The following ADGRL2 variants were observed in gnomAD, a reference collection of about 807,000 sequenced individuals.
The protein encoded by ADGRL2 is calcium-independent alpha-latrotoxin receptor 2.
A neutral mutation model predicts 157.4 loss-of-function variants in ADGRL2; 44 were observed. The ratio of observed to expected loss-of-function variants is 0.28; its 90% confidence interval spans 0.22 to 0.36. ADGRL2 has a LOEUF of 0.36. Among genes scored for constraint, ADGRL2 ranks in the 10% least tolerant of loss-of-function variants. The pLI, the probability that ADGRL2 is intolerant of heterozygous loss-of-function variation, is 1.00. For synonymous variants in ADGRL2, 585 were observed against 624.7 expected, an observed-to-expected ratio of 0.94 and a Z score of 0.95; for missense variants, 1,510 against 1,768.9, an observed-to-expected ratio of 0.85 and a Z score of 2.63.
intron 2 of ADGRL2, among the ~76,000 whole-genome samples, chr1:81,548,278 T>C (rs567856153): frequency 6.6e-6 from 1 of 152,244 alleles, no homozygotes; most frequent in African/African-American, 2.4e-5. Context: ...ATTGATTTCA[T>C]GACCTACTAA....
intron 1 of ADGRL2, among the ~76,000 whole-genome samples, chr1:81,743,387 CAGA>C (rs2085135896): frequency 8.8e-6 from 1 of 113,230 alleles, no homozygotes; most frequent in Admixed American, 1.0e-4. Flanking sequence ...GTGCTAATAA[CAGA>C]AGGTTTTTTT....
chr1:81,735,972 G>A (rs560408325), intron 1 of ADGRL2, among the ~76,000 whole-genome samples: 3 of 149,154 alleles, frequency 2.0e-5, no homozygotes, highest in African/African-American at 4.9e-5. Flanking sequence ...GTGAAACCCC[G>A]TCTTACTAAA....
intron 2 of ADGRL2, among the ~76,000 whole-genome samples, chr1:81,558,259 G>A (rs2080359183): frequency 6.6e-6 from 1 of 152,238 alleles, no homozygotes; most frequent in Middle Eastern, 3.4e-3. Flanking sequence ...ATGGACATAG[G>A]TTTTTTATAA....
chr1:81,391,341 C>T (rs2076552181), intron 1 of ADGRL2, among the ~76,000 whole-genome samples: 2 of 152,304 alleles, frequency 1.3e-5, no homozygotes, highest in Non-Finnish European at 2.9e-5. Context: ...CATAGAAGAG[C>T]TGCTCTGCGA....
At chr1:81,755,359 G>A (rs751954697) in intron 1 of ADGRL2, among the ~76,000 whole-genome samples, 2 of 151,466 alleles carry the variant, frequency 1.3e-5, no homozygotes, top group African/African-American at 2.4e-5. Flanking sequence ...TGCTACTATT[G>A]CTAATTATCA....
chr1:81,635,015 G>T (rs1327411822), intron 3 of ADGRL2, among the ~76,000 whole-genome samples: 4 of 152,080 alleles, frequency 2.6e-5, no homozygotes, highest in African/African-American at 9.7e-5. Flanking sequence ...AAGTGCTGGG[G>T]CTTAACACCC....
chr1:81,657,534 C>G (rs1027436222), intron 3 of ADGRL2, among the ~76,000 whole-genome samples: 2 of 152,106 alleles, frequency 1.3e-5, no homozygotes, highest in Non-Finnish European at 2.9e-5. Flanking sequence ...TTAAAATATC[C>G]TAAGAGAAGT....
chr1:81,404,438 A>G (rs2076817834), intron 1 of ADGRL2, among the ~76,000 whole-genome samples: 1 of 152,216 alleles, frequency 6.6e-6, no homozygotes, highest in Non-Finnish European at 1.5e-5. Flanking sequence ...TAATAAATCT[A>G]TGAAGGTTTT....
At chr1:81,655,202 G>A (rs1202048099) in intron 3 of ADGRL2, among the ~76,000 whole-genome samples, 2 of 152,156 alleles carry the variant, frequency 1.3e-5, no homozygotes, top group South Asian at 2.1e-4. Context: ...GGTTTTCACT[G>A]TGTTAGCCAG....
chr1:81,964,830 A>G (rs1656573732), intron 11 of ADGRL2, among the ~76,000 whole-genome samples: 1 of 152,102 alleles, frequency 6.6e-6, no homozygotes, highest in Non-Finnish European at 1.5e-5. Context: ...TAAAATTTCA[A>G]TATCAGAAAT....
intron 2 of ADGRL2, among the ~76,000 whole-genome samples, chr1:81,522,733 A>G (rs1236254166): frequency 6.6e-6 from 1 of 152,238 alleles, no homozygotes; most frequent in Non-Finnish European, 1.5e-5. Flanking sequence ...TTCTAATACA[A>G]CAGATAAAAA....
intron 2 of ADGRL2, among the ~76,000 whole-genome samples, chr1:81,564,987 C>T (rs2080527127): frequency 6.6e-6 from 1 of 152,166 alleles, no homozygotes; most frequent in African/African-American, 2.4e-5. Flanking sequence ...AGTCATCTAG[C>T]ACAAAATTAA....
intron 3 of ADGRL2, among the ~76,000 whole-genome samples, chr1:81,672,351 T>C (rs553565769): frequency 6.6e-6 from 1 of 152,336 alleles, no homozygotes; most frequent in Non-Finnish European, 1.5e-5. Flanking sequence ...CTTGGATGGA[T>C]GCTGCTTCCT....
At chr1:81,891,281 G>A (rs1043670802) in intron 2 of ADGRL2, among the ~76,000 whole-genome samples, 2 of 151,530 alleles carry the variant, frequency 1.3e-5, no homozygotes, top group African/African-American at 4.8e-5. Flanking sequence ...TGTCAATATA[G>A]TTTTAAAATA....
At chr1:81,343,397 T>G (rs1315410563) in intron 1 of ADGRL2, among the ~76,000 whole-genome samples, 1 of 152,160 alleles carries the variant, frequency 6.6e-6, no homozygotes, top group East Asian at 1.9e-4. Context: ...GCCAACAATC[T>G]TTCTTTAACA....
intron 1 of ADGRL2, among the ~76,000 whole-genome samples, chr1:81,331,928 C>T (rs779091572): frequency 6.6e-6 from 1 of 151,934 alleles, no homozygotes; most frequent in Non-Finnish European, 1.5e-5. Context: ...TTAGAAAGCA[C>T]AAAAAAATTA....
At position 81,746,838 on chromosome 1, in the gene ADGRL2, A is replaced by ACG. The variant is rs1350882943; in HGVS notation, c.-142-14973_-142-14972insCG. 4.4e-4 allele frequency among the ~76,000 whole-genome samples: 58 copies of ACG among 133,290 alleles called. 5 individuals are homozygous for ACG. Among genetic ancestry groups the ACG allele is most frequent in the African/African-American group, 1.4e-3 (43 of 30,500 alleles). 87.4% of individuals were successfully genotyped at this position (133,290 alleles called of 152,430 possible). The stretch of plus-strand genomic sequence containing the variant: ...ATACTAATTCAAATTATATATATAC[A>ACG]TGTATATACACACGTGCACACGTAT... On this transcript the variant is annotated intron_variant, in intron 1 of 20. Transcript: ENST00000359929.
At chr1:81,322,115 T>C (rs373253316) in intron 1 of ADGRL2, among the ~76,000 whole-genome samples, 18 of 119,734 alleles carry the variant, frequency 1.5e-4, no homozygotes, top group East Asian at 2.4e-4. Context: ...TATATACACA[T>C]ATATATATAC....
rs1310830669 is a variant in ADGRL2, at chr1:81,801,022, G to A, written c.-147G>A. On this transcript the variant is annotated 5_prime_UTR_variant, in exon 1 of 24. Transcript: ENST00000686636. ...CGGAGCCGGGGCCGGCCTGGTCCTC[G>A]GGCGGCTGCTTGGCCACCGCCACCG... Among the ~76,000 whole-genome samples the A allele has an allele frequency of 6.6e-5, 10 of 150,992 alleles. No homozygotes were observed. Among genetic ancestry groups the A allele is most frequent in the Admixed American group, 2.0e-4 (3 of 15,180 alleles).
Sources: allele counts gnomAD v4.1 joint callset (sites outside exome capture counted in the v4.1 genomes callset), GRCh38; gene constraint gnomAD v4.1.1; transcripts MANE v1.5; gene names NCBI Gene and HGNC (gene_info 2026-07-23, HGNC 2026-07-21).